Variants in ZMAT4 observed in about 807,000 individuals in gnomAD.
ZMAT4 encodes zinc finger matrin-type protein 4.
ZMAT4 carries 17 observed loss-of-function variants against 28.7 expected under a neutral mutation model. The ratio of observed to expected loss-of-function variants is 0.59; its 90% confidence interval spans 0.41 to 0.89. The LOEUF is 0.89. Among genes scored for constraint, ZMAT4 ranks in the 40% least tolerant of loss-of-function variants. ZMAT4 has a pLI of 0.00. For missense variants in ZMAT4, 240 were observed against 283.8 expected (o/e 0.85, Z 1.11); for synonymous variants, 117 against 109.2 (o/e 1.07, Z -0.44).
chr8:40,719,997 C>T (rs186879001), intron 3 of ZMAT4, among the ~76,000 whole-genome samples: 183 of 152,354 alleles, frequency 1.2e-3, no homozygotes, highest in African/African-American at 3.4e-3. Flanking sequence ...GACAATTCCA[C>T]CATGCCCTCT....
intron 3 of ZMAT4, among the ~76,000 whole-genome samples, chr8:40,706,702 C>T (rs1482644628): frequency 6.6e-6 from 1 of 152,204 alleles, no homozygotes; most frequent in Non-Finnish European, 1.5e-5. Context: ...GCTTTTCAGA[C>T]ATAATATGCT....
intron 6 of ZMAT4, among the ~76,000 whole-genome samples, chr8:40,543,938 C>G (rs777955191): frequency 2.0e-5 from 3 of 152,134 alleles, no homozygotes; most frequent in Non-Finnish European, 4.4e-5. Context: ...TATATTGAAG[C>G]TACTGGAAAC....
At chr8:40,770,424 C>T (rs1813339246) in intron 2 of ZMAT4, among the ~76,000 whole-genome samples, 2 of 152,092 alleles carry the variant, frequency 1.3e-5, no homozygotes, top group South Asian at 4.1e-4. Context: ...ACAGCTTGCC[C>T]TGCCTCCAAC....
At chr8:40,762,219 T>G (rs1302385122) in intron 3 of ZMAT4, among the ~76,000 whole-genome samples, 1 of 152,216 alleles carries the variant, frequency 6.6e-6, no homozygotes, top group Admixed American at 6.5e-5. Context: ...CAAATTCATA[T>G]CAACCTAGGA....
chr8:40,777,786 C>T (rs1303111254), intron 2 of ZMAT4, among the ~76,000 whole-genome samples: 1 of 152,210 alleles, frequency 6.6e-6, no homozygotes, highest in Non-Finnish European at 1.5e-5. Flanking sequence ...TCAGACAACC[C>T]CAATAAGGTC....
intron 3 of ZMAT4, among the ~76,000 whole-genome samples, chr8:40,709,332 G>C (rs1234137823): frequency 1.3e-5 from 2 of 151,984 alleles, no homozygotes; most frequent in Admixed American, 6.6e-5. Context: ...CCATGAATAT[G>C]GAGGGCCAAC....
Position 40,833,540 on chromosome 8 carries a change from C to CAAAA in ZMAT4, c.-4-7864_-4-7861dup, listed in dbSNP as rs57458575. Among the ~76,000 whole-genome samples the CAAAA allele has an allele frequency of 4.1e-3, 353 of 87,054 alleles. 3 individuals are homozygous for CAAAA. Among genetic ancestry groups the CAAAA allele is most frequent in the African/African-American group, 0.014 (330 of 24,074 alleles). 57.1% of individuals were successfully genotyped at this position (87,054 alleles called of 152,430 possible). On this transcript the variant is annotated intron_variant, in intron 1 of 6. Coordinates refer to ENST00000297737, the MANE Select transcript of ZMAT4 (RefSeq NM_024645.3). The stretch of plus-strand genomic sequence containing the variant: ...CCGAGATCATACCACTACACTCCAG[C>CAAAA]AAAAAAAAAAAAAAAAAAGACATGA...
At chr8:40,673,158 A>G (rs776597598) in intron 5 of ZMAT4, among the ~76,000 whole-genome samples, 1 of 152,094 alleles carries the variant, frequency 6.6e-6, no homozygotes, top group Non-Finnish European at 1.5e-5. Flanking sequence ...ACCTTTGCCC[A>G]TGCGTATGTG....
At chr8:40,631,172 TG>T (rs1165836481) in intron 5 of ZMAT4, among the ~76,000 whole-genome samples, 17 of 124,822 alleles carry the variant, frequency 1.4e-4, no homozygotes, top group Non-Finnish European at 2.2e-4. Flanking sequence ...TTTATTTTTT[TG>T]TTTGTTTGTT....
intron 4 of ZMAT4, among the ~76,000 whole-genome samples, chr8:40,692,470 A>G (rs1387550843): frequency 5.3e-5 from 8 of 152,208 alleles, no homozygotes; most frequent in Non-Finnish European, 1.2e-4. Context: ...CTCTCCTGTA[A>G]TACCATACAA....
At chr8:40,565,979 T>C (rs1399463619) in intron 6 of ZMAT4, among the ~76,000 whole-genome samples, 2 of 152,126 alleles carry the variant, frequency 1.3e-5, no homozygotes, top group East Asian at 1.9e-4. Flanking sequence ...TCTGGAATCA[T>C]AGCGCTTTAG....
intron 3 of ZMAT4, among the ~76,000 whole-genome samples, chr8:40,766,351 G>C (rs193249433): frequency 1.3e-5 from 2 of 152,250 alleles, no homozygotes; most frequent in African/African-American, 4.8e-5. Flanking sequence ...GTGATGCTTG[G>C]CAAGTCACAG....
intron 1 of ZMAT4, among the ~76,000 whole-genome samples, chr8:40,865,520 G>A (rs1209821687): frequency 1.3e-5 from 2 of 152,124 alleles, no homozygotes; most frequent in African/African-American, 4.8e-5. Flanking sequence ...CTCTGCTCCA[G>A]AACCCTCAGA....
At chr8:40,629,392 T>G (rs540414973) in intron 5 of ZMAT4, among the ~76,000 whole-genome samples, 5 of 144,584 alleles carry the variant, frequency 3.5e-5, no homozygotes, top group Non-Finnish European at 7.7e-5. Flanking sequence ...TTGCCTGCAA[T>G]GGAGTTTTTT....
chr8:40,829,176 G>C (rs1240848716), intron 1 of ZMAT4, among the ~76,000 whole-genome samples: 1 of 152,186 alleles, frequency 6.6e-6, no homozygotes, highest in Non-Finnish European at 1.5e-5. Context: ...TACAAGAGTA[G>C]GGGAAGACAG....
rs968962509 is a variant in ZMAT4 at position 40,697,399 on chromosome 8, T to C, written c.195A>G (p.Gly65=). The C allele has an allele frequency of 7.6e-6, 12 of 1,580,992 alleles. No individual in the cohort carries two copies. Among genetic ancestry groups the C allele is most frequent in the Non-Finnish European group, 1.0e-5 (12 of 1,161,056 alleles). The change falls in exon 4 of 7, where the codon GGA becomes GGG. Residue 65 remains glycine, a splice_region_variant and synonymous_variant. Transcript: ENST00000297737. ...CPAKRLRSEN[G]SDADMVDKNK... ...TCTTATCCACCATGTCGGCATCACT[T>C]CCCTGCGCAGGGAGAAAGAAAGGCC...
chr8:40,538,619 C>T (rs1802923923), intron 6 of ZMAT4, among the ~76,000 whole-genome samples: 1 of 152,120 alleles, frequency 6.6e-6, no homozygotes, highest in African/African-American at 2.4e-5. Flanking sequence ...GTTCAGTACC[C>T]CTCTTCTATT....
intron 5 of ZMAT4, among the ~76,000 whole-genome samples, chr8:40,585,431 A>G (rs1438103708): frequency 6.6e-6 from 1 of 152,134 alleles, no homozygotes; most frequent in Non-Finnish European, 1.5e-5. Flanking sequence ...GGAGATTCTG[A>G]TACTCTAAGC....
At chr8:40,716,442 A>G (rs1401390984) in intron 3 of ZMAT4, among the ~76,000 whole-genome samples, 2 of 152,180 alleles carry the variant, frequency 1.3e-5, no homozygotes, top group African/African-American at 4.8e-5. Flanking sequence ...CTGTAATCCC[A>G]GCAATTTGGG....
Sources: allele counts gnomAD v4.1 joint callset (sites outside exome capture counted in the v4.1 genomes callset), GRCh38; gene constraint gnomAD v4.1.1; transcripts MANE v1.5; gene names NCBI Gene and HGNC (gene_info 2026-07-23, HGNC 2026-07-21).